Variants in ANK3 observed in about 807,000 individuals in gnomAD.
ANK3 encodes ankyrin-3.
A neutral mutation model predicts 370.9 loss-of-function variants in ANK3; 57 were observed. The observed-to-expected ratio is 0.15, with a 90% CI of 0.12 to 0.19. The LOEUF is 0.19. Ranked by LOEUF, ANK3 falls within the 10% of genes least tolerant of loss-of-function variation. The probability of loss-of-function intolerance (pLI) is 1.00; values close to 1 mark genes in which losing one functional copy is unlikely to be tolerated. For synonymous variants in ANK3, 1,929 were observed against 1,946.3 expected, an observed-to-expected ratio of 0.99 and a Z score of 0.23; for missense variants, 4,439 against 5,302.1, an observed-to-expected ratio of 0.84 and a Z score of 5.06.
chr10:60,322,867 T>C (rs1392443735), intron 1 of ANK3, among the ~76,000 whole-genome samples: 1 of 152,126 alleles, frequency 6.6e-6, no homozygotes, highest in Non-Finnish European at 1.5e-5. Flanking sequence ...TAATTGAGTA[T>C]GAGGTGTGAG....
chr10:60,176,811 C>G (rs1229857826), intron 18 of ANK3, among the ~76,000 whole-genome samples: 1 of 151,784 alleles, frequency 6.6e-6, no homozygotes. Flanking sequence ...CAAAAAAAAC[C>G]AAGTAATTTT....
At chr10:60,247,927 A>G (rs866532172) in intron 7 of ANK3, among the ~76,000 whole-genome samples, 1 of 152,322 alleles carries the variant, frequency 6.6e-6, no homozygotes, top group East Asian at 1.9e-4. Context: ...TCAGCCTCCC[A>G]AAGTGCTGGG....
chr10:60,179,505 G>A (rs547008393), intron 18 of ANK3, among the ~76,000 whole-genome samples: 2 of 152,230 alleles, frequency 1.3e-5, no homozygotes, highest in South Asian at 4.1e-4. Flanking sequence ...GATCAGCCTG[G>A]CCAACATGGC....
chr10:60,186,652 T>C (rs1305342143), intron 17 of ANK3, 63 bp downstream of exon 17: 1 of 1,499,010 alleles, frequency 6.7e-7, no homozygotes, highest in African/African-American at 1.4e-5. Flanking sequence ...GAATTCTTAG[T>C]GACCTTTCTG....
At chr10:60,053,550 A>C in intron 42 of ANK3, 3 of 646,748 alleles carry the variant, frequency 4.6e-6, no homozygotes, top group Non-Finnish European at 4.4e-6. Context: ...TCTCAGGCTC[A>C]GGATTCCTTT....
intron 16 of ANK3, among the ~76,000 whole-genome samples, chr10:60,189,508 G>A (rs559647377): frequency 1.8e-3 from 274 of 152,342 alleles, no homozygotes; most frequent in African/African-American, 6.3e-3. Context: ...CAAGGGAAAA[G>A]TGACTCAGGT....
At chr10:60,652,693 T>A (rs1479793680) in intron 1 of ANK3, among the ~76,000 whole-genome samples, 87 of 135,556 alleles carry the variant, frequency 6.4e-4, no homozygotes, top group African/African-American at 7.5e-4. Flanking sequence ...AGGCAAAATG[T>A]AAAAAAAAAA....
upstream of ANK3, among the ~76,000 whole-genome samples, chr10:60,393,967 A>T (rs190344281): frequency 3.5e-3 from 537 of 151,914 alleles, 4 homozygotes; most frequent in Non-Finnish European, 8.8e-4. Flanking sequence ...GCTGCCAGGG[A>T]GGGTGTGCCT....
At chr10:60,452,155 C>T (rs972495550) in intron 2 of ANK3, among the ~76,000 whole-genome samples, 1 of 152,224 alleles carries the variant, frequency 6.6e-6, no homozygotes, top group Non-Finnish European at 1.5e-5. Flanking sequence ...CAGCCTCTAG[C>T]GGTGCACACA....
intron 7 of ANK3, among the ~76,000 whole-genome samples, chr10:60,242,771 C>T (rs962857857): frequency 6.6e-6 from 1 of 152,170 alleles, no homozygotes; most frequent in African/African-American, 2.4e-5. Context: ...TATTTCATAT[C>T]TTTTGTCTCA....
intron 1 of ANK3, among the ~76,000 whole-genome samples, chr10:60,304,307 A>G (rs1342187677): frequency 6.6e-6 from 1 of 152,098 alleles, no homozygotes; most frequent in African/African-American, 2.4e-5. Flanking sequence ...AAGGTGACAG[A>G]TATTAATTAG....
At chr10:60,037,436 C>A (rs2075256275) in intron 43 of ANK3, among the ~76,000 whole-genome samples, 1 of 151,842 alleles carries the variant, frequency 6.6e-6, no homozygotes, top group Non-Finnish European at 1.5e-5. Flanking sequence ...TTACTTTTTC[C>A]TCTCCTCTCC....
chr10:60,397,506 C>G (rs1473287989), intron 2 of ANK3, among the ~76,000 whole-genome samples: 1 of 152,268 alleles, frequency 6.6e-6, no homozygotes, highest in South Asian at 2.1e-4. Context: ...ACGGACATCA[C>G]AGAGAACAAA....
intron 25 of ANK3, among the ~76,000 whole-genome samples, chr10:60,132,891 C>T (rs1399757428): frequency 6.6e-6 from 1 of 152,198 alleles, no homozygotes; most frequent in East Asian, 1.9e-4. Context: ...GCTGGGATTA[C>T]AGGTGTGACC....
intron 7 of ANK3, among the ~76,000 whole-genome samples, chr10:60,242,777 T>C (rs2097487823): frequency 6.6e-6 from 1 of 152,192 alleles, no homozygotes; most frequent in Non-Finnish European, 1.5e-5. Flanking sequence ...ATATCTTTTG[T>C]CTCATTTAAT....
intron 2 of ANK3, among the ~76,000 whole-genome samples, chr10:60,471,125 G>T (rs1270827521): frequency 2.6e-5 from 4 of 152,190 alleles, no homozygotes; most frequent in Admixed American, 2.0e-4. Flanking sequence ...ACACCATACA[G>T]ATAATTTACA....
intron 9 of ANK3, among the ~76,000 whole-genome samples, chr10:60,209,531 T>A (rs2096819439): frequency 6.6e-6 from 1 of 152,180 alleles, no homozygotes; most frequent in African/African-American, 2.4e-5. Flanking sequence ...GAGCTTTGCA[T>A]ATACAGAAAG....
intron 5 of ANK3, among the ~76,000 whole-genome samples, chr10:60,264,715 C>T (rs1485629667): frequency 1.3e-5 from 2 of 151,568 alleles, no homozygotes; most frequent in Admixed American, 6.6e-5. Context: ...AAGATGTAAA[C>T]ATTTCCACTG....
chr10:60,634,380 A>G (rs1158777269), intron 1 of ANK3, among the ~76,000 whole-genome samples: 2 of 152,182 alleles, frequency 1.3e-5, no homozygotes, highest in African/African-American at 2.4e-5. Flanking sequence ...AATAAGAAAT[A>G]TTGAGAAGTG....
Sources: gnomAD v4.1 joint callset for allele counts (sites outside exome capture counted in the v4.1 genomes callset) on GRCh38, gnomAD v4.1.1 for gene constraint, MANE v1.5 for transcripts, NCBI Gene and HGNC (gene_info 2026-07-23, HGNC 2026-07-21) for gene names.